SH3TC1: variants seen among roughly 807,000 people sequenced by gnomAD.
SH3TC1 encodes the protein SH3 domain and tetratricopeptide repeat-containing protein 1.
In SH3TC1, 135 loss-of-function variants were observed where a neutral mutation model predicts 117.3. That is an observed-to-expected ratio of 1.15 (90% CI 1.00 to 1.33). SH3TC1 has a LOEUF of 1.33. Ranked by LOEUF, SH3TC1 falls within the 40% of genes most tolerant of loss-of-function variation. The probability of loss-of-function intolerance (pLI) is 0.00; values close to 1 mark genes in which losing one functional copy is unlikely to be tolerated. For missense variants in SH3TC1, 2,092 were observed against 1,794.3 expected, an observed-to-expected ratio of 1.17 and a Z score of -3.00; for synonymous variants, 898 against 816.9, an observed-to-expected ratio of 1.10 and a Z score of -1.69.
chr4:8,207,596 G>A (rs1037732535), intron 2 of SH3TC1, among the ~76,000 whole-genome samples: 1 of 152,208 alleles, frequency 6.6e-6, no homozygotes, highest in African/African-American at 2.4e-5. Context: ...AGGAAGAGCT[G>A]TCCCGCTCCC....
chr4:8,235,283 TG>T (rs1721700795), intron 14 of SH3TC1, 149 bp from the exon 15 acceptor site: 2 of 917,720 alleles, frequency 2.2e-6, no homozygotes, highest in Non-Finnish European at 1.5e-6. Flanking sequence ...ATGCCAGCGG[TG>T]GGGGCGGCCC....
chr4:8,233,701 C>A (rs995589413), intron 14 of SH3TC1, among the ~76,000 whole-genome samples, 188 bp downstream of exon 14: 1 of 151,178 alleles, frequency 6.6e-6, no homozygotes, highest in Non-Finnish European at 1.5e-5. Context: ...ATCCATCATC[C>A]ATCCATCCAT....
In SH3TC1 at chr4:8,228,233, A is replaced by G; in HGVS notation, c.2539A>G (p.Ile847Val). ...LHGQSPVALDILQSVRDAVVA... is the reference protein window; with the variant it reads ...LHGQSPVALDVLQSVRDAVVA... ...TGGGCAGAGCCCGGTGGCCCTGGAC[A>G]TCCTGCAGTCTGTCCGGGATGCAGT... The change falls in exon 12 of 18, where the codon ATC becomes GTC. Residue 847 changes from isoleucine to valine, a missense_variant. Ile to Val is a conservative substitution (Grantham distance 29). Coordinates refer to ENST00000245105, the MANE Select transcript of SH3TC1 (RefSeq NM_018986.5). 2.5e-6 allele frequency: 4 copies of G among 1,609,852 alleles called. No individual in the cohort carries two copies. The highest frequency in any genetic ancestry group is 3.4e-6 in the Non-Finnish European group (4 of 1,177,874).
Position 8,237,555 on chromosome 4 carries a change from A to C in SH3TC1, c.3638A>C (p.His1213Pro). 1 of 1,611,424 alleles carries C rather than the reference A, an allele frequency of 6.2e-7. No individual in the cohort carries two copies. Among genetic ancestry groups the C allele is most frequent in the Non-Finnish European group, 8.5e-7 (1 of 1,179,310 alleles). Residue 1213 changes from histidine (H) to proline (P), a missense_variant, in exon 17 of 18, where the codon CAC becomes CCC. Coordinates refer to ENST00000245105, the MANE Select transcript of SH3TC1 (RefSeq NM_018986.5). ...HRLGHGELAE[H>P]FYLKALSLCN... ...CTGGGCCATGGCGAGCTGGCAGAGC[A>C]CTTCTACCTCAAGGCCCTGTCGCTC... is the stretch of plus-strand genomic sequence containing the variant.
intron 1 of SH3TC1, among the ~76,000 whole-genome samples, chr4:8,191,273 C>A (rs1250710669): frequency 6.6e-6 from 1 of 152,074 alleles, no homozygotes; most frequent in Non-Finnish European, 1.5e-5. Flanking sequence ...CAGGCTGACG[C>A]CTGCCCCGAC....
At position 8,216,937 on chromosome 4, in the gene SH3TC1, C is replaced by T. The variant is rs1047470642; in HGVS notation, c.629-20C>T. ...CGCCCAGTCCGGCCACCCTCAGTGA[C>T]CACCTCCATCCTTTTGAAGGGCCCT... On this transcript the variant is annotated intron_variant, in intron 6 of 17. Coordinates refer to ENST00000245105, the MANE Select transcript of SH3TC1 (RefSeq NM_018986.5). 6.2e-7 allele frequency: 1 copy of T among 1,613,414 alleles called. No homozygotes were observed. Among genetic ancestry groups the T allele is most frequent in the Non-Finnish European group, 8.5e-7 (1 of 1,179,408 alleles).
intron 6 of SH3TC1, among the ~76,000 whole-genome samples, chr4:8,216,623 C>T (rs543272789): frequency 4.6e-5 from 7 of 152,304 alleles, no homozygotes; most frequent in African/African-American, 1.7e-4. Context: ...CAGGAGGGGG[C>T]CTGCCAGCAG....
chr4:8,212,349 C>A (rs562614846), intron 3 of SH3TC1, among the ~76,000 whole-genome samples: 2 of 151,938 alleles, frequency 1.3e-5, no homozygotes, highest in East Asian at 3.9e-4. Flanking sequence ...TGGGGCGGAG[C>A]GCTGAGGGGA....
intron 17 of SH3TC1, 129 bp from the exon 18 acceptor site, chr4:8,240,569 C>G: frequency 6.9e-7 from 1 of 1,451,640 alleles, no homozygotes; most frequent in South Asian, 1.3e-5. Flanking sequence ...ACAGCAGTGT[C>G]ACAGGCTTCG....
chr4:8,228,235 C>T lies in SH3TC1; in HGVS notation c.2541C>T (p.Ile847=). 4 of 1,609,820 alleles carry T rather than the reference C, an allele frequency of 2.5e-6. No homozygotes were observed. Among genetic ancestry groups the T allele is most frequent in the Non-Finnish European group, 3.4e-6 (4 of 1,177,890 alleles). ...GGCAGAGCCCGGTGGCCCTGGACAT[C>T]CTGCAGTCTGTCCGGGATGCAGTGG... ...LHGQSPVALD[I]LQSVRDAVVA... Residue 847 remains isoleucine (I), a synonymous_variant, in exon 12 of 18, where the codon ATC becomes ATT. Coordinates refer to ENST00000245105, the MANE Select transcript of SH3TC1 (RefSeq NM_018986.5).
chr4:8,235,744 T>TG (rs889863465), intron 15 of SH3TC1, 189 bp downstream of exon 15: 1 of 735,124 alleles, frequency 1.4e-6, no homozygotes, highest in Non-Finnish European at 2.0e-6. Flanking sequence ...ACTTGGGGCC[T>TG]GGACACAGCA....
intron 1 of SH3TC1, among the ~76,000 whole-genome samples, chr4:8,189,846 C>T (rs1717359374): frequency 1.3e-5 from 2 of 152,114 alleles, no homozygotes; most frequent in Non-Finnish European, 1.5e-5. Flanking sequence ...CAGAGTGTGG[C>T]CCTTAGAGAA....
chr4:8,211,081 T>C (rs1202399727), intron 3 of SH3TC1, among the ~76,000 whole-genome samples: 1 of 118,966 alleles, frequency 8.4e-6, no homozygotes, highest in Non-Finnish European at 1.8e-5. Context: ...CCCTCTGGGT[T>C]TCTCCCCCCT....
chr4:8,227,036 A>C lies in SH3TC1; in HGVS notation c.1342A>C (p.Asn448His), dbSNP rs1329122049. ...EPQETLQKVK[N>H]VLEQCKTCPG... ...ACAGGAGACCTTGCAGAAGGTGAAG[A>C]ATGTTCTGGAACAATGCAAGACCTG... Residue 448 changes from asparagine (N) to histidine (H), a missense_variant, in exon 12 of 18, where the codon AAT becomes CAT. Physicochemically the swap from Asn to His is moderately conservative, Grantham distance 68 (BLOSUM62 1). Transcript: ENST00000245105. 3.2e-6 allele frequency: 5 copies of C among 1,579,476 alleles called. No homozygotes were observed. The highest frequency in any genetic ancestry group is 4.3e-6 in the Non-Finnish European group (5 of 1,163,516).
chr4:8,227,732 C>A lies in SH3TC1; in HGVS notation c.2038C>A (p.Gln680Lys). The A allele has an allele frequency of 6.3e-7, 1 of 1,596,496 alleles. No individual in the cohort carries two copies. Among genetic ancestry groups the A allele is most frequent in the Non-Finnish European group, 8.5e-7 (1 of 1,169,860 alleles). ...GGCCAGGCACCACGTGCACCTCAAG[C>A]AGCCCGAGGAGGCCCTGCCCTTCCT... ...LLARHHVHLK[Q>K]PEEALPFLER... The change falls in exon 12 of 18, where the codon CAG becomes AAG. Residue 680 changes from glutamine (Q) to lysine (K), a missense_variant. By Grantham distance (53) the Gln-to-Lys change is moderately conservative. Transcript: ENST00000245105.
intron 17 of SH3TC1, 125 bp downstream of exon 17, chr4:8,237,795 G>A: frequency 9.2e-7 from 1 of 1,084,060 alleles, no homozygotes. Flanking sequence ...CTGGAGCGCT[G>A]CGCCCGGCTG....
At position 8,222,975 on chromosome 4, in the gene SH3TC1, G is replaced by A. The variant is rs373041359; in HGVS notation, c.1243+5G>A. On this transcript the variant is annotated splice_donor_5th_base_variant and intron_variant, in intron 10 of 17. Transcript: ENST00000245105. ...TCTGCAGCGTGTACAGCCTGGGTGC[G>A]TGTGGGCGATGCCTGTGGTGGGGCC... The A allele has an allele frequency of 2.6e-4, 421 of 1,607,266 alleles. No individual in the cohort carries two copies. Among genetic ancestry groups the A allele is most frequent in the Non-Finnish European group, 3.4e-4 (396 of 1,175,858 alleles).
intron 2 of SH3TC1, among the ~76,000 whole-genome samples, chr4:8,208,282 G>A (rs1718364945): frequency 6.6e-6 from 1 of 152,200 alleles, no homozygotes; most frequent in African/African-American, 2.4e-5. Context: ...TCTGCGGGGT[G>A]TGTTTCGGTT....
intron 17 of SH3TC1, among the ~76,000 whole-genome samples, chr4:8,239,380 G>A (rs1281104): frequency 0.34 from 49,612 of 144,748 alleles, 8,489 homozygotes; most frequent in Middle Eastern, 0.48. Context: ...CGCACACACA[G>A]GCACAGGCCC....
Sources: allele counts gnomAD v4.1 joint callset (sites outside exome capture counted in the v4.1 genomes callset), GRCh38; gene constraint gnomAD v4.1.1; transcripts MANE v1.5; gene names NCBI Gene and HGNC (gene_info 2026-07-23, HGNC 2026-07-21).